The following TCF12 variants were observed in gnomAD, a reference collection of about 807,000 sequenced individuals.
TCF12 encodes DNA-binding protein HTF4.
A neutral mutation model predicts 86.0 loss-of-function variants in TCF12; 45 were observed. The observed-to-expected ratio is 0.52, with a 90% confidence interval of 0.41 to 0.67. The LOEUF (loss-of-function observed/expected upper bound fraction) is 0.67. Among genes scored for constraint, TCF12 ranks in the 30% least tolerant of loss-of-function variants. The pLI, the probability that TCF12 is intolerant of heterozygous loss-of-function variation, is 0.00. For missense variants in TCF12, 881 were observed against 859.9 expected, an observed-to-expected ratio of 1.02 and a Z score of -0.31; for synonymous variants, 330 against 299.6, an observed-to-expected ratio of 1.10 and a Z score of -1.05.
At chr15:57,149,485 A>G (rs1351103278) in intron 5 of TCF12, among the ~76,000 whole-genome samples, 1 of 152,246 alleles carries the variant, frequency 6.6e-6, no homozygotes, top group Non-Finnish European at 1.5e-5. Flanking sequence ...TCATTTTCTT[A>G]GAGCAGTTTG....
intron 6 of TCF12, among the ~76,000 whole-genome samples, chr15:57,177,625 A>AGAGAGAGAGAGAGAGAGAGAGAGAGT (rs1156899989): frequency 1.3e-5 from 2 of 151,670 alleles, no homozygotes; most frequent in African/African-American, 4.9e-5. Flanking sequence ...AGAGAGAGAG[A>AGAGAGAGAGAGAGAGAGAGAGAGAGT]GAGAGAGAGA....
intron 4 of TCF12, among the ~76,000 whole-genome samples, chr15:57,086,241 T>TAATAATAATATA (rs1468422719): frequency 6.8e-6 from 1 of 147,114 alleles, no homozygotes; most frequent in South Asian, 2.1e-4. Flanking sequence ...ATAATAATAA[T>TAATAATAATATA]ATAATGACTA....
At chr15:57,278,330 A>T (rs970364628) in intron 19 of TCF12, among the ~76,000 whole-genome samples, 5 of 152,160 alleles carry the variant, frequency 3.3e-5, no homozygotes, top group African/African-American at 1.2e-4. Flanking sequence ...GCTGCAGAAG[A>T]AAGGTTTCCA....
intron 8 of TCF12, among the ~76,000 whole-genome samples, chr15:57,230,934 G>C (rs891071985): frequency 6.9e-6 from 1 of 144,482 alleles, no homozygotes; most frequent in African/African-American, 2.5e-5. Flanking sequence ...TAGAGTAGTA[G>C]TTTTCCCTAA....
At chr15:57,147,454 CTG>C (rs2053435972) in intron 5 of TCF12, among the ~76,000 whole-genome samples, 1 of 152,080 alleles carries the variant, frequency 6.6e-6, no homozygotes, top group African/African-American at 2.4e-5. Context: ...TCCTGCTTAT[CTG>C]CTATAATCTT....
At chr15:57,124,693 T>G (rs74955402) in intron 5 of TCF12, among the ~76,000 whole-genome samples, 1 of 152,078 alleles carries the variant, frequency 6.6e-6, no homozygotes, top group Non-Finnish European at 1.5e-5. Context: ...CTTTTTTTTT[T>G]GTGAGACAGA....
intron 4 of TCF12, among the ~76,000 whole-genome samples, chr15:57,069,885 A>T (rs1460446889): frequency 6.6e-6 from 1 of 152,260 alleles, no homozygotes; most frequent in African/African-American, 2.4e-5. Flanking sequence ...TAGCAAGTAT[A>T]GTGTATTGGG....
chr15:57,276,960 A>G (rs907680758), intron 19 of TCF12, among the ~76,000 whole-genome samples: 2 of 151,746 alleles, frequency 1.3e-5, no homozygotes, highest in African/African-American at 2.4e-5. Flanking sequence ...ACGCATCACC[A>G]TGCCCAGTTA....
chr15:57,021,579 A>G (rs2065484218), intron 3 of TCF12, among the ~76,000 whole-genome samples: 1 of 152,212 alleles, frequency 6.6e-6, no homozygotes, highest in African/African-American at 2.4e-5. Flanking sequence ...AGGCTTATAT[A>G]GGGCAGCACC....
chr15:57,102,181 C>G (rs1337536380), intron 5 of TCF12, among the ~76,000 whole-genome samples: 2 of 152,114 alleles, frequency 1.3e-5, no homozygotes, highest in East Asian at 3.9e-4. Flanking sequence ...TGATTTGGGG[C>G]TATAAAAATA....
At chr15:57,273,659 T>C (rs1339544289) in intron 19 of TCF12, among the ~76,000 whole-genome samples, 2 of 152,154 alleles carry the variant, frequency 1.3e-5, no homozygotes, top group Non-Finnish European at 2.9e-5. Flanking sequence ...CCTGCTCTAC[T>C]TTGGAGTATC....
chr15:57,089,690 A>G (rs1456529803), intron 4 of TCF12, among the ~76,000 whole-genome samples: 1 of 151,900 alleles, frequency 6.6e-6, no homozygotes, highest in Non-Finnish European at 1.5e-5. Context: ...TTAGCATTCA[A>G]ATGTGTAGCG....
intron 8 of TCF12, among the ~76,000 whole-genome samples, chr15:57,205,373 G>A (rs2086891044): frequency 6.6e-6 from 1 of 152,190 alleles, no homozygotes; most frequent in South Asian, 2.1e-4. Flanking sequence ...ACTGATTCTG[G>A]AATAAATAGT....
intron 3 of TCF12, among the ~76,000 whole-genome samples, chr15:56,997,800 A>G (rs1253312497): frequency 2.6e-5 from 4 of 152,220 alleles, no homozygotes; most frequent in African/African-American, 9.6e-5. Flanking sequence ...GAAAAAACCC[A>G]CTTTATGCTG....
chr15:56,993,540 G>A (rs1055745822), intron 3 of TCF12, among the ~76,000 whole-genome samples: 1 of 152,172 alleles, frequency 6.6e-6, no homozygotes, highest in Non-Finnish European at 1.5e-5. Flanking sequence ...CTGAGACCAC[G>A]TGTAAAGAGA....
intron 10 of TCF12, 75 bp from the exon 11 acceptor site, chr15:57,232,637 G>A: frequency 6.6e-7 from 1 of 1,503,886 alleles, no homozygotes; most frequent in Non-Finnish European, 8.9e-7. Context: ...TTTTTGACCT[G>A]TTATCATAGT....
At chr15:57,036,283 CATAGGA>C (rs1273889099) in intron 3 of TCF12, among the ~76,000 whole-genome samples, 1 of 151,662 alleles carries the variant, frequency 6.6e-6, no homozygotes, top group African/African-American at 2.4e-5. Context: ...CTGAAGAAGT[CATAGGA>C]ATGGAATAAA....
At chr15:56,986,130 A>G (rs1212685808) in intron 3 of TCF12, among the ~76,000 whole-genome samples, 1 of 152,184 alleles carries the variant, frequency 6.6e-6, no homozygotes, top group Non-Finnish European at 1.5e-5. Context: ...AATCCTTTAA[A>G]GAAACAGTTT....
chr15:57,173,270 G>A (rs933133755), intron 6 of TCF12, among the ~76,000 whole-genome samples: 9 of 152,164 alleles, frequency 5.9e-5, no homozygotes, highest in African/African-American at 1.7e-4. Context: ...GTGCCTTGAA[G>A]GAAAGTATAC....
Sources: allele counts gnomAD v4.1 joint callset (sites outside exome capture counted in the v4.1 genomes callset), GRCh38; gene constraint gnomAD v4.1.1; transcripts MANE v1.5; gene names NCBI Gene and HGNC (gene_info 2026-07-23, HGNC 2026-07-21).